Variants in DGKB observed in about 807,000 individuals in gnomAD.
DGKB encodes diacylglycerol kinase beta.
In DGKB, 67 loss-of-function variants were observed where a neutral mutation model predicts 114.3. The observed-to-expected ratio is 0.59, with a 90% confidence interval of 0.48 to 0.72. DGKB has a LOEUF of 0.72. Among genes scored for constraint, DGKB ranks in the 30% least tolerant of loss-of-function variants. DGKB has a pLI of 0.00. For missense variants in DGKB, 907 were observed against 975.2 expected (o/e 0.93, Z 0.93); for synonymous variants, 398 against 323.1 (o/e 1.23, Z -2.49).
chr7:14,293,368 T>G (rs947150908), intron 23 of DGKB, among the ~76,000 whole-genome samples: 15 of 152,188 alleles, frequency 9.9e-5, no homozygotes, highest in Admixed American at 9.2e-4. Context: ...AACTAAGATC[T>G]TCCAATGACT....
Position 14,902,745 on chromosome 7 carries a change from G to C in DGKB, c.-341C>G, listed in dbSNP as rs1464738697. ...GCTCCCACACAGCTCGGCTTCCCCA[G>C]AGGAGTGGAGCTTCAAGAACTCTGC... is the stretch of plus-strand genomic sequence containing the variant. On this transcript the variant is annotated 5_prime_UTR_variant, in exon 1 of 26. Coordinates refer to ENST00000402815, the MANE Select transcript of DGKB (RefSeq NM_001350709.2). The C allele has an allele frequency of 6.6e-6, 1 of 152,194 alleles. No homozygotes were observed. Among genetic ancestry groups the C allele is most frequent in the African/African-American group, 2.4e-5 (1 of 41,408 alleles). The allele number at this position is 152,194 out of a possible 1,614,324, so 9.4% of individuals were successfully genotyped here.
At position 14,530,787 on chromosome 7, in the gene DGKB, C is replaced by T. The variant is rs1001615201; in HGVS notation, c.1770+43425G>A. Among the ~76,000 whole-genome samples the T allele has an allele frequency of 8.6e-5, 13 of 151,512 alleles. 1 individual carries two copies. The highest frequency in any genetic ancestry group is 2.9e-4 in the African/African-American group (12 of 41,378). Reference sequence around the variant, plus strand: ...TTGTCTCTCATTTCTCCCACTAATTCGTTGTTCTTGTATAGAATGTCATTT... The same window carrying T: ...TTGTCTCTCATTTCTCCCACTAATTTGTTGTTCTTGTATAGAATGTCATTT... On this transcript the variant is annotated intron_variant, in intron 20 of 25. Coordinates refer to ENST00000402815, the MANE Select transcript of DGKB (RefSeq NM_001350709.2).
chr7:14,653,579 G>T lies in DGKB; in HGVS notation c.1134+19350C>A, dbSNP rs548795018. Among the ~76,000 whole-genome samples, 6 of 151,772 alleles carry T rather than the reference G, an allele frequency of 4.0e-5. No homozygotes were observed. The East Asian group carries it at 1.2e-3, about 29-fold the overall frequency. ...TAGATGACGAGTTAGTGGGTTCAGC[G>T]CACCAGCATGGCACATGTATGCATA... On this transcript the variant is annotated intron_variant, in intron 13 of 25. Transcript: ENST00000402815.
intron 21 of DGKB, among the ~76,000 whole-genome samples, chr7:14,358,400 T>A (rs1815013478): frequency 1.3e-5 from 2 of 152,206 alleles, no homozygotes; most frequent in Non-Finnish European, 2.9e-5. Flanking sequence ...AGCTTGTGCA[T>A]GCCTCACGTA....
At chr7:14,614,620 C>T (rs562961902) in intron 15 of DGKB, among the ~76,000 whole-genome samples, 55 of 152,146 alleles carry the variant, frequency 3.6e-4, no homozygotes, top group African/African-American at 1.3e-3. Context: ...AAATATTCTA[C>T]TAACATATTT....
chr7:14,672,311 G>C (rs913657690), intron 13 of DGKB, among the ~76,000 whole-genome samples: 3 of 151,988 alleles, frequency 2.0e-5, no homozygotes, highest in Non-Finnish European at 2.9e-5. Flanking sequence ...TTTGGGTTTT[G>C]AATATGAATA....
chr7:14,960,111 C>G (rs193273410), intron 1 of DGKB, among the ~76,000 whole-genome samples: 120 of 147,518 alleles, frequency 8.1e-4, no homozygotes, highest in Non-Finnish European at 1.4e-3. Flanking sequence ...AAGACAACTG[C>G]GAAGTTACAG....
intron 1 of DGKB, among the ~76,000 whole-genome samples, chr7:14,913,674 TTCC>T (rs1317724348): frequency 7.0e-4 from 106 of 151,850 alleles, no homozygotes; most frequent in Non-Finnish European, 8.8e-5. Context: ...ACGGAAGTTT[TTCC>T]TGGGGTAGTT....
chr7:14,892,956 G>A (rs922773744), intron 1 of DGKB, among the ~76,000 whole-genome samples: 4 of 150,208 alleles, frequency 2.7e-5, no homozygotes, highest in Non-Finnish European at 6.0e-5. Context: ...ACACATATGT[G>A]TGTGTATATA....
chr7:14,943,275 T>C (rs1009016522), intron 1 of DGKB, among the ~76,000 whole-genome samples: 1 of 151,936 alleles, frequency 6.6e-6, no homozygotes, highest in Admixed American at 6.6e-5. Flanking sequence ...AAAAATCATG[T>C]TCATATACAT....
intron 17 of DGKB, among the ~76,000 whole-genome samples, chr7:14,603,176 C>T (rs949889704): frequency 2.0e-5 from 3 of 152,102 alleles, no homozygotes; most frequent in African/African-American, 4.8e-5. Context: ...TTTTCATACT[C>T]CATCACTCCA....
At chr7:14,965,045 ATTGG>A in intron 1 of DGKB, among the ~76,000 whole-genome samples, 1 of 152,144 alleles carries the variant, frequency 6.6e-6, no homozygotes, top group Non-Finnish European at 1.5e-5. Flanking sequence ...CTTCTTCATG[ATTGG>A]TTTTATGATG....
chr7:14,254,313 T>C (rs1795654142), intron 23 of DGKB, among the ~76,000 whole-genome samples: 1 of 152,184 alleles, frequency 6.6e-6, no homozygotes, highest in Admixed American at 6.5e-5. Context: ...CAGCCATTTG[T>C]TGAGGGTGCA....
chr7:14,840,624 G>A (rs1428775908), intron 2 of DGKB, among the ~76,000 whole-genome samples: 1 of 151,646 alleles, frequency 6.6e-6, no homozygotes, highest in East Asian at 1.9e-4. Flanking sequence ...TTGAGGTCCT[G>A]ACACCTCTTT....
intron 19 of DGKB, among the ~76,000 whole-genome samples, chr7:14,576,573 G>C (rs969756463): frequency 6.6e-6 from 1 of 151,938 alleles, no homozygotes; most frequent in African/African-American, 2.4e-5. Flanking sequence ...GTGTGTATGT[G>C]TATACATATA....
At chr7:14,661,950 C>G (rs971885981) in intron 13 of DGKB, among the ~76,000 whole-genome samples, 1 of 151,988 alleles carries the variant, frequency 6.6e-6, no homozygotes, top group Admixed American at 6.6e-5. Context: ...TAAACTATCT[C>G]AAGAACAAAA....
chr7:14,674,083 A>G (rs1190295180), intron 12 of DGKB, among the ~76,000 whole-genome samples: 2 of 152,140 alleles, frequency 1.3e-5, no homozygotes, highest in African/African-American at 4.8e-5. Flanking sequence ...AACAGTATCA[A>G]AGAGGTATTT....
intron 3 of DGKB, among the ~76,000 whole-genome samples, chr7:14,756,449 C>T (rs570910992): frequency 8.6e-5 from 13 of 151,648 alleles, no homozygotes; most frequent in South Asian, 6.2e-4. Flanking sequence ...AAAAAGGGAA[C>T]GGCTTTAAAT....
chr7:14,525,039 A>T (rs1414646134), intron 20 of DGKB, among the ~76,000 whole-genome samples: 1 of 152,138 alleles, frequency 6.6e-6, no homozygotes, highest in Non-Finnish European at 1.5e-5. Flanking sequence ...ACATGTAGTC[A>T]TCCTAGATTT....
Sources: gnomAD v4.1 joint callset for allele counts (sites outside exome capture counted in the v4.1 genomes callset) on GRCh38, gnomAD v4.1.1 for gene constraint, MANE v1.5 for transcripts, NCBI Gene and HGNC (gene_info 2026-07-23, HGNC 2026-07-21) for gene names.